ACOX1: variants seen among roughly 807,000 people sequenced by gnomAD.
ACOX1 encodes acyl-CoA oxidase 1, also known as peroxisomal acyl-coenzyme A oxidase 1.
A neutral mutation model predicts 75.5 loss-of-function variants in ACOX1; 41 were observed. That is an observed-to-expected ratio of 0.54 (90% confidence interval 0.42 to 0.70). The LOEUF (loss-of-function observed/expected upper bound fraction) is 0.70. Among genes scored for constraint, ACOX1 ranks in the 30% least tolerant of loss-of-function variants. ACOX1 has a pLI of 0.00. For missense variants in ACOX1, 630 were observed against 837.5 expected, an observed-to-expected ratio of 0.75 and a Z score of 3.06; for synonymous variants, 303 against 298.8, an observed-to-expected ratio of 1.01 and a Z score of -0.15.
rs1340209037 is a variant in ACOX1, at chr17:75,942,534, G to T, written c.*4214C>A. Reference sequence around the variant, plus strand: ...GACTTGTTCTAATCCTCCAAGAATGGAGTAGTAAAGAAACAGCAGAAATGA... The same window carrying T: ...GACTTGTTCTAATCCTCCAAGAATGTAGTAGTAAAGAAACAGCAGAAATGA... On this transcript the variant is annotated 3_prime_UTR_variant, in exon 14 of 14. Transcript: ENST00000293217. 2.6e-5 allele frequency: 4 copies of T among 151,776 alleles called. No individual in the cohort carries two copies. Among genetic ancestry groups the T allele is most frequent in the South Asian group, 2.1e-4 (1 of 4,808 alleles). 9.4% of individuals were successfully genotyped at this position (151,776 alleles called of 1,614,324 possible). A position where few individuals can be genotyped will look rare whatever the true frequency, so the allele number is the denominator to read the frequency against.
In ACOX1 at chr17:75,978,805, T is replaced by A; in HGVS notation, c.110-112A>T. The stretch of plus-strand genomic sequence containing the variant: ...CGCGGACACACCTGGGGAATGGCGA[T>A]ATCCCCCCACCAGGGACACAGGCTG... On this transcript the variant is annotated intron_variant, in intron 1 of 13. Transcript: ENST00000293217. The surrounding 1 kb of genome is among the most constrained non-coding windows in gnomAD (Gnocchi z 4.2). 6.2e-7 allele frequency: 1 copy of A among 1,604,076 alleles called. No homozygotes were observed. Among genetic ancestry groups the A allele is most frequent in the Non-Finnish European group, 8.5e-7 (1 of 1,178,624 alleles).
intron 3 of ACOX1, among the ~76,000 whole-genome samples, chr17:75,959,952 G>A (rs1431253276): frequency 6.6e-6 from 1 of 152,100 alleles, no homozygotes; most frequent in South Asian, 2.1e-4. Flanking sequence ...AAAACCACTT[G>A]GTAAATAAGG....
chr17:75,969,780 A>T (rs1258137670), intron 2 of ACOX1, among the ~76,000 whole-genome samples: 1 of 152,178 alleles, frequency 6.6e-6, no homozygotes, highest in Non-Finnish European at 1.5e-5. Flanking sequence ...CAATCTCTAT[A>T]TTCCTAAATA....
intron 9 of ACOX1, 79 bp from the exon 10 acceptor site, chr17:75,949,976 C>T (rs1281424757): frequency 6.6e-7 from 1 of 1,524,764 alleles, no homozygotes; most frequent in Non-Finnish European, 9.0e-7. Context: ...ATTCTTGTTG[C>T]CTAGGCTGGA....
In ACOX1 at chr17:75,955,861, T is replaced by C. The variant is rs770798558; in HGVS notation, c.625A>G (p.Ile209Val). The change falls in exon 5 of 14, where the codon ATT becomes GTT. Residue 209 changes from isoleucine (I) to valine (V), a missense_variant. By Grantham distance (29) the Ile-to-Val change is conservative (BLOSUM62 3). Coordinates refer to ENST00000293217, the MANE Select transcript of ACOX1 (RefSeq NM_004035.7). ...CYGLHAFIVP[I>V]REIGTHKPLP... is the part of the protein sequence containing the mutation. ...GGCTTATGGGTCCCGATTTCACGAA[T>C]AGGTACGATAAAGGCATGTAATCCA... 6.2e-7 allele frequency: 1 copy of C among 1,614,112 alleles called. No individual in the cohort carries two copies. Among genetic ancestry groups the C allele is most frequent in the Non-Finnish European group, 8.5e-7 (1 of 1,180,030 alleles).
chr17:75,949,934 A>C (rs376433931), intron 9 of ACOX1, 37 bp from the exon 10 acceptor site: 8 of 1,611,028 alleles, frequency 5.0e-6, no homozygotes, highest in African/African-American at 1.3e-5. Context: ...TAGTAACTCT[A>C]CTTTCTTTTG....
chr17:75,958,608 A>ATT (rs2065857776), intron 3 of ACOX1, among the ~76,000 whole-genome samples: 1 of 147,532 alleles, frequency 6.8e-6, no homozygotes, highest in African/African-American at 2.7e-5. Flanking sequence ...GGAGATCGAG[A>ATT]CCATCCTGGT....
At chr17:75,968,137 T>C (rs568807068) in intron 2 of ACOX1, among the ~76,000 whole-genome samples, 1 of 151,562 alleles carries the variant, frequency 6.6e-6, no homozygotes, top group South Asian at 2.1e-4. Context: ...CATTAAGTGT[T>C]AGAAATATAT....
Position 75,949,584 on chromosome 17 carries a change from C to A in ACOX1, c.1495G>T (p.Ala499Ser), listed in dbSNP as rs540115931. 1.1e-5 allele frequency: 17 copies of A among 1,614,094 alleles called. No individual in the cohort carries two copies. The East Asian group carries it at 2.2e-4, about 21-fold the overall frequency. Reference protein sequence around the residue: ...LRAARLVEIAAKNLQKEVIHR... With the variant: ...LRAARLVEIASKNLQKEVIHR... ...ATCACTTCTTTTTGAAGGTTTTTTG[C>A]AGCAATTTCTACTAATCTGTTAAGA... Residue 499 changes from alanine to serine, a missense_variant, in exon 11 of 14, where the codon GCA (alanine) becomes TCA (serine). Coordinates refer to ENST00000293217, the MANE Select transcript of ACOX1 (RefSeq NM_004035.7).
chr17:75,975,359 G>C (rs996413047), intron 2 of ACOX1, among the ~76,000 whole-genome samples: 1 of 151,972 alleles, frequency 6.6e-6, no homozygotes, highest in Non-Finnish European at 1.5e-5. Flanking sequence ...GTTTTGCCAT[G>C]TTGGCCAGGC....
intron 2 of ACOX1, among the ~76,000 whole-genome samples, chr17:75,961,579 G>A (rs935537099): frequency 6.6e-6 from 1 of 151,318 alleles, no homozygotes; most frequent in African/African-American, 2.4e-5. Flanking sequence ...AGACCAGCCT[G>A]ACCAACATGG....
intron 4 of ACOX1, 117 bp downstream of exon 4, chr17:75,957,342 A>G: frequency 1.1e-6 from 1 of 938,440 alleles, no homozygotes. Context: ...CAGCCTCCCA[A>G]AGTGTTAGGA....
chr17:75,946,656 T>C lies in ACOX1; in HGVS notation c.*92A>G. 9.5e-7 allele frequency: 1 copy of C among 1,056,116 alleles called. No individual in the cohort carries two copies. 65.4% of individuals were successfully genotyped at this position (1,056,116 alleles called of 1,614,324 possible). A position where few individuals can be genotyped will look rare whatever the true frequency, so the allele number is the denominator to read the frequency against. On this transcript the variant is annotated 3_prime_UTR_variant, in exon 14 of 14. Coordinates refer to ENST00000293217, the MANE Select transcript of ACOX1 (RefSeq NM_004035.7). Reference sequence around the variant, plus strand: ...AAAAAGGGGTCAATTTATCATTTGCTCTATAGCTATTTGAATTCGAAAAAG... The same window carrying C: ...AAAAAGGGGTCAATTTATCATTTGCCCTATAGCTATTTGAATTCGAAAAAG...
rs1598183250 is a variant in ACOX1, at chr17:75,957,618, G to A, written c.431-52C>T. On this transcript the variant is annotated intron_variant, in intron 3 of 13. Coordinates refer to ENST00000293217, the MANE Select transcript of ACOX1 (RefSeq NM_004035.7). ...AGTTAAGAGATGGGGAAAAAAATAG[G>A]CACAAGGAAAAATTTCCTGCACAGT... is the stretch of plus-strand genomic sequence containing the variant. 10 of 1,455,876 alleles carry A rather than the reference G, an allele frequency of 6.9e-6. No homozygotes were observed. The East Asian group carries it at 2.0e-4, about 30-fold the overall frequency. The allele number at this position is 1,455,876 out of a possible 1,614,324, so 90.2% of individuals were successfully genotyped here.
rs2066080350 is a variant in ACOX1 at position 75,978,507 on chromosome 17, A to G, written c.269+27T>C. On this transcript the variant is annotated intron_variant, in intron 2 of 13. Transcript: ENST00000293217. The surrounding 1 kb of genome is among the most constrained non-coding windows in gnomAD (Gnocchi z 4.2). ...AGCTGTAAAGTTTAGGCTTAACAAC[A>G]CTTGCTCTGTTCTAAGGCATACCTA... 3 of 1,614,106 alleles carry G rather than the reference A, an allele frequency of 1.9e-6. No individual in the cohort carries two copies. Among genetic ancestry groups the G allele is most frequent in the Non-Finnish European group, 2.5e-6 (3 of 1,179,980 alleles).
At chr17:75,958,329 G>T (rs1478822186) in intron 3 of ACOX1, among the ~76,000 whole-genome samples, 1 of 147,538 alleles carries the variant, frequency 6.8e-6, no homozygotes, top group Non-Finnish European at 1.5e-5. Context: ...CTCCAGCCTG[G>T]GTGGCAGAGC....
chr17:75,974,955 C>T (rs1456768762), intron 2 of ACOX1, among the ~76,000 whole-genome samples: 8 of 139,254 alleles, frequency 5.7e-5, no homozygotes, highest in Admixed American at 2.3e-4. Flanking sequence ...GAGGCTGAGG[C>T]GGGAGAATGG....
At position 75,949,475 on chromosome 17, in the gene ACOX1, AAG is replaced by A. The variant is rs750820195; in HGVS notation, c.1584+18_1584+19del. On this transcript the variant is annotated intron_variant, in intron 11 of 13. Coordinates refer to ENST00000293217, the MANE Select transcript of ACOX1 (RefSeq NM_004035.7). ...GATGCTGAGGGCAGGGAAGGGGAAA[AAG>A]AGAGAACTACCACTGACCTCACTTG... 1.9e-6 allele frequency: 3 copies of A among 1,613,140 alleles called. No individual in the cohort carries two copies. Among genetic ancestry groups the A allele is most frequent in the African/African-American group, 2.7e-5 (2 of 74,912 alleles).
At chr17:75,957,605 G>A in intron 3 of ACOX1, 39 bp from the exon 4 acceptor site, 5 of 1,542,008 alleles carry the variant, frequency 3.2e-6, no homozygotes, top group South Asian at 1.1e-5. Context: ...TTAAGAGATG[G>A]GGAAAAAAAT....
Sources: gnomAD v4.1 joint callset for allele counts (sites outside exome capture counted in the v4.1 genomes callset) on GRCh38, gnomAD v4.1.1 for gene constraint, Gnocchi (gnomAD v3.1) non-coding constraint, MANE v1.5 for transcripts, NCBI Gene and HGNC (gene_info 2026-07-23, HGNC 2026-07-21) for gene names.